POM121C: variants seen among roughly 807,000 people sequenced by gnomAD.
POM121C encodes the protein POM121 transmembrane nucleoporin C.
POM121C carries 20 observed loss-of-function variants against 66.4 expected under a neutral mutation model. The ratio of observed to expected loss-of-function variants is 0.30; its 90% confidence interval spans 0.21 to 0.44. The LOEUF (loss-of-function observed/expected upper bound fraction) is 0.44, where lower values mean the gene tolerates loss of function less well. POM121C is among the 20% of genes least tolerant of loss of function. The probability of loss-of-function intolerance (pLI) is 1.00; values close to 1 mark genes in which losing one functional copy is unlikely to be tolerated. For missense variants in POM121C, 580 were observed against 1,225.7 expected (o/e 0.47, Z 7.87); for synonymous variants, 286 against 528.0 (o/e 0.54, Z 6.28).
chr7:75,468,174 G>T (rs1240555836), intron 3 of POM121C, among the ~76,000 whole-genome samples: 64 of 144,462 alleles, frequency 4.4e-4, no homozygotes, highest in Non-Finnish European at 8.7e-4. Flanking sequence ...AAAAAGAAAC[G>T]CAGAAACACA....
At position 75,424,216 on chromosome 7, in the gene POM121C, G is replaced by A. The variant is rs113744930; in HGVS notation, c.881C>T (p.Ser294Leu). 205,648 of 1,611,582 alleles carry A rather than the reference G, an allele frequency of 0.13. 15,194 individuals are homozygous for A. The highest frequency in any genetic ancestry group is 0.28 in the African/African-American group (21,103 of 74,788). The change falls in exon 12 of 15, where the codon TCG (serine) becomes TTG (leucine). Residue 294 changes from serine (S) to leucine (L), a missense_variant. Ser to Leu is a moderately radical substitution (Grantham distance 145, BLOSUM62 -2). Transcript: ENST00000615331. ...AGGTGGGGTCTCAGTGACAGAGTTC[G>A]AGGCAGCATCTAAGAAAGAAAGAAA... The part of the protein sequence containing the change: ...QALEDKSDAA[S>L]NSVTETPPTT...
At chr7:75,455,113 C>T (rs1408835965) in intron 3 of POM121C, among the ~76,000 whole-genome samples, 8 of 152,092 alleles carry the variant, frequency 5.3e-5, no homozygotes, top group African/African-American at 7.2e-5. Flanking sequence ...GACCCGATGA[C>T]GAAGAGCCTT....
intron 1 of POM121C, among the ~76,000 whole-genome samples, chr7:75,480,777 G>T (rs1282298997): frequency 2.6e-5 from 4 of 151,956 alleles, no homozygotes; most frequent in African/African-American, 9.7e-5. Flanking sequence ...AAAACTAAAG[G>T]CAATTAACAG....
At chr7:75,424,298 G>A in intron 11 of POM121C, 73 bp from the exon 12 acceptor site, 2 of 1,560,702 alleles carry the variant, frequency 1.3e-6, no homozygotes, top group Non-Finnish European at 1.8e-6. Context: ...CGGAGAGCAG[G>A]CTCTCAGCAC....
At chr7:75,434,258 A>G (rs1305274630) in intron 7 of POM121C, among the ~76,000 whole-genome samples, 1 of 152,082 alleles carries the variant, frequency 6.6e-6, no homozygotes, top group African/African-American at 2.4e-5. Context: ...AACTACTCAT[A>G]AGAGACAAAA....
At chr7:75,454,801 C>T (rs142453194) in intron 3 of POM121C, among the ~76,000 whole-genome samples, 10,673 of 152,180 alleles carry the variant, frequency 0.07, 329 homozygotes, top group Non-Finnish European at 0.1. Context: ...CATGTCCCGA[C>T]GCAGTGGAGG....
intron 7 of POM121C, among the ~76,000 whole-genome samples, chr7:75,432,231 C>T (rs1488057712): frequency 1.4e-5 from 2 of 146,834 alleles, no homozygotes; most frequent in African/African-American, 5.0e-5. Context: ...TAAAAGTGAA[C>T]GTACAAATAC....
intron 3 of POM121C, among the ~76,000 whole-genome samples, chr7:75,448,297 C>G (rs1470701887): frequency 6.6e-6 from 1 of 151,908 alleles, no homozygotes; most frequent in African/African-American, 2.4e-5. Context: ...GAAATGTTAA[C>G]GGATGTCCTT....
Position 75,486,256 on chromosome 7 carries a change from G to T in POM121C, c.-850C>A, listed in dbSNP as rs587740702. 3.6e-6 allele frequency: 1 copy of T among 276,698 alleles called. No homozygotes were observed. The highest frequency in any genetic ancestry group is 7.0e-6 in the Non-Finnish European group (1 of 142,208). 17.1% of individuals were successfully genotyped at this position (276,698 alleles called of 1,614,324 possible). A position where few individuals can be genotyped will look rare whatever the true frequency, so the allele number is the denominator to read the frequency against. ...CCACTAGAAGCCAAAGCCTGGGAAC[G>T]AGAGCAAGCGATGACCTGAAGAGGC... On this transcript the variant is annotated 5_prime_UTR_variant, in exon 1 of 15. Coordinates refer to ENST00000615331, the MANE Select transcript of POM121C (RefSeq NM_001099415.3).
At chr7:75,446,905 G>T (rs1790829240) in intron 3 of POM121C, among the ~76,000 whole-genome samples, 1 of 146,026 alleles carries the variant, frequency 6.8e-6, no homozygotes, top group East Asian at 2.1e-4. Flanking sequence ...CTACTCGGGA[G>T]GCTGAGGCAA....
At position 75,486,279 on chromosome 7, in the gene POM121C, G is replaced by A. The variant is rs1164649627; in HGVS notation, c.-873C>T. ...ACGAGAGCAAGCGATGACCTGAAGA[G>A]GCACAGGAAGCGAGGGCAGTGCGGA... On this transcript the variant is annotated 5_prime_UTR_variant, in exon 1 of 15. Coordinates refer to ENST00000615331, the MANE Select transcript of POM121C (RefSeq NM_001099415.3). 5 of 262,714 alleles carry A rather than the reference G, an allele frequency of 1.9e-5. No homozygotes were observed. Among genetic ancestry groups the A allele is most frequent in the Admixed American group, 5.7e-5 (1 of 17,688 alleles). 16.3% of individuals were successfully genotyped at this position (262,714 alleles called of 1,614,324 possible).
chr7:75,429,765 C>T (rs1447125757), intron 7 of POM121C, among the ~76,000 whole-genome samples: 4 of 152,154 alleles, frequency 2.6e-5, no homozygotes, highest in Non-Finnish European at 5.9e-5. Flanking sequence ...ATAATTCCAG[C>T]ACTCAGAGAG....
intron 13 of POM121C, 82 bp downstream of exon 13, chr7:75,421,427 A>G (rs1789702239): frequency 1.3e-6 from 2 of 1,593,350 alleles, no homozygotes; most frequent in South Asian, 1.1e-5. Context: ...CTGCCACAGC[A>G]TAAGCTCCCC....
At chr7:75,472,380 G>C (rs1371205117) in intron 3 of POM121C, among the ~76,000 whole-genome samples, 1 of 151,890 alleles carries the variant, frequency 6.6e-6, no homozygotes, top group African/African-American at 2.4e-5. Context: ...GGGCGTGATG[G>C]TGCATGCCTG....
intron 6 of POM121C, among the ~76,000 whole-genome samples, chr7:75,438,286 T>C (rs1554473290): frequency 6.6e-6 from 1 of 152,212 alleles, no homozygotes; most frequent in Non-Finnish European, 1.5e-5. Flanking sequence ...TCACAGTGGA[T>C]TACAATGTAT....
rs782649532 is a variant in POM121C, at chr7:75,433,696, T to C, written c.480+3819A>G. On this transcript the variant is annotated intron_variant, in intron 7 of 14. Transcript: ENST00000615331. Reference sequence around the variant, plus strand: ...AAAGCCCAAATAATAGAGGATACTATACAATTCTGACCCTTGTTTTTTATA... The same window carrying C: ...AAAGCCCAAATAATAGAGGATACTACACAATTCTGACCCTTGTTTTTTATA... Among the ~76,000 whole-genome samples, 5 of 152,202 alleles carry C rather than the reference T, an allele frequency of 3.3e-5. No homozygotes were observed. In the East Asian group the frequency reaches 5.8e-4, roughly 18 times the overall value.
chr7:75,439,716 A>G (rs1563144344), intron 5 of POM121C, among the ~76,000 whole-genome samples: 1 of 152,128 alleles, frequency 6.6e-6, no homozygotes, highest in Non-Finnish European at 1.5e-5. Flanking sequence ...CAAGAGTCCC[A>G]TGAGAGCAGA....
intron 1 of POM121C, among the ~76,000 whole-genome samples, chr7:75,482,429 CA>C (rs1554480272): frequency 1.3e-5 from 2 of 152,200 alleles, no homozygotes; most frequent in African/African-American, 4.8e-5. Context: ...AGCAGTGGCT[CA>C]CGCCTATAAT....
chr7:75,463,465 T>C (rs1301273827), intron 3 of POM121C, among the ~76,000 whole-genome samples: 3 of 151,202 alleles, frequency 2.0e-5, no homozygotes, highest in African/African-American at 7.3e-5. Context: ...TTTTTTTTTT[T>C]TTTTACCTTT....
Sources: gnomAD v4.1 joint callset for allele counts (sites outside exome capture counted in the v4.1 genomes callset) on GRCh38, gnomAD v4.1.1 for gene constraint, MANE v1.5 for transcripts, NCBI Gene and HGNC (gene_info 2026-07-23, HGNC 2026-07-21) for gene names.